SLC5A12: variants seen among roughly 807,000 people sequenced by gnomAD.
SLC5A12 encodes the protein sodium-coupled monocarboxylate transporter 2.
A neutral mutation model predicts 72.7 loss-of-function variants in SLC5A12; 46 were observed. The observed-to-expected ratio is 0.63, with a 90% CI of 0.50 to 0.81. The LOEUF (loss-of-function observed/expected upper bound fraction) is 0.81. SLC5A12 is among the 30% of genes least tolerant of loss of function. SLC5A12 has a pLI of 0.00. For missense variants in SLC5A12, 683 were observed against 740.7 expected (o/e 0.92, Z 0.90); for synonymous variants, 275 against 264.4 (o/e 1.04, Z -0.39).
At position 26,709,328 on chromosome 11, in the gene SLC5A12, G is replaced by A; in HGVS notation, c.509C>T (p.Thr170Ile). Residue 170 changes from threonine (T) to isoleucine (I), a missense_variant, in exon 4 of 15, where the codon ACA becomes ATA. Coordinates refer to ENST00000396005, the MANE Select transcript of SLC5A12 (RefSeq NM_178498.4). ...GATACATACCAGGGTACAGTAGAAT[G>A]TGCAAACAATTCCTGTTGCAAACAC... is the stretch of plus-strand genomic sequence containing the variant. Reference protein sequence around the residue: ...GSVFATGIVCTFYCTLGGLKA... With the variant: ...GSVFATGIVCIFYCTLGGLKA... 1.9e-6 allele frequency: 3 copies of A among 1,611,332 alleles called. No homozygotes were observed. The highest frequency in any genetic ancestry group is 2.5e-6 in the Non-Finnish European group (3 of 1,178,404).
chr11:26,670,064 T>G lies in SLC5A12; in HGVS notation c.*1038A>C, dbSNP rs563410469. The G allele has an allele frequency of 1.3e-5, 2 of 152,236 alleles. No homozygotes were observed. The highest frequency in any genetic ancestry group is 3.9e-4 in the East Asian group (2 of 5,174). The allele number at this position is 152,236 out of a possible 1,614,324, so 9.4% of individuals were successfully genotyped here. Reference sequence around the variant, plus strand: ...GCAATACCCTCATTCTCCAGAACTTTAAACATTATTTTCTAGACACGAACT... The same window carrying G: ...GCAATACCCTCATTCTCCAGAACTTGAAACATTATTTTCTAGACACGAACT... On this transcript the variant is annotated 3_prime_UTR_variant, in exon 15 of 15. Transcript: ENST00000396005.
chr11:26,710,901 C>T (rs1440049540), intron 3 of SLC5A12, among the ~76,000 whole-genome samples: 1 of 151,790 alleles, frequency 6.6e-6, no homozygotes, highest in African/African-American at 2.4e-5. Context: ...AAATAATAGA[C>T]TATAAATTTT....
At chr11:26,702,520 C>T (rs892855140) in intron 6 of SLC5A12, among the ~76,000 whole-genome samples, 1 of 152,158 alleles carries the variant, frequency 6.6e-6, no homozygotes, top group African/African-American at 2.4e-5. Flanking sequence ...GGAAACAGCA[C>T]TGAAGATGAA....
chr11:26,712,974 G>A (rs1855267552), intron 1 of SLC5A12, among the ~76,000 whole-genome samples: 1 of 152,044 alleles, frequency 6.6e-6, no homozygotes, highest in South Asian at 2.1e-4. Flanking sequence ...TTGACTTTCT[G>A]CCCAAAAGTC....
intron 9 of SLC5A12, 183 bp downstream of exon 9, chr11:26,692,306 G>A (rs1854699114): frequency 3.4e-6 from 2 of 582,664 alleles, no homozygotes; most frequent in African/African-American, 1.9e-5. Flanking sequence ...AAACTAGCTA[G>A]TCATTCTTTC....
At chr11:26,715,339 G>GA (rs11386268) in intron 1 of SLC5A12, among the ~76,000 whole-genome samples, 123,789 of 151,946 alleles carry the variant, frequency 0.81, 53,494 homozygotes, top group Non-Finnish European at 0.96. Flanking sequence ...GGGCAGATCA[G>GA]AAGGCTTGAG....
intron 4 of SLC5A12, 126 bp downstream of exon 4, chr11:26,709,186 C>A (rs1855161365): frequency 6.7e-6 from 4 of 598,730 alleles, no homozygotes. Context: ...GACAGATAAG[C>A]CGACATACTT....
chr11:26,703,348 T>A (rs1318062378), intron 6 of SLC5A12, among the ~76,000 whole-genome samples, 183 bp downstream of exon 6: 1 of 151,886 alleles, frequency 6.6e-6, no homozygotes, highest in African/African-American at 2.4e-5. Flanking sequence ...CCTGCTGAGA[T>A]GACAGTAGTA....
intron 8 of SLC5A12, among the ~76,000 whole-genome samples, chr11:26,694,466 A>G (rs149622456): frequency 5.2e-3 from 792 of 152,280 alleles, no homozygotes; most frequent in Non-Finnish European, 8.9e-3. Context: ...GAAAGAAAGG[A>G]CAGAGTGTGA....
At chr11:26,689,526 G>T (rs1054980034) in intron 9 of SLC5A12, among the ~76,000 whole-genome samples, 1 of 152,112 alleles carries the variant, frequency 6.6e-6, no homozygotes, top group Non-Finnish European at 1.5e-5. Flanking sequence ...TGAGAGAAAA[G>T]AATGACTAGA....
Position 26,712,640 on chromosome 11 carries a change from C to T in SLC5A12, c.405+1G>A, listed in dbSNP as rs1855257247. On this transcript the variant is annotated splice_donor_variant, in intron 2 of 14. Coordinates refer to ENST00000396005, the MANE Select transcript of SLC5A12 (RefSeq NM_178498.4). LOFTEE classifies it high-confidence loss of function. ...CATCTGCAGCAGCCATGACCACTTA[C>T]CGTCTGTACAATGTAGATGACCGTG... The T allele has an allele frequency of 2.6e-6, 4 of 1,543,178 alleles. No individual in the cohort carries two copies. Among genetic ancestry groups the T allele is most frequent in the East Asian group, 2.3e-5 (1 of 44,056 alleles).
At chr11:26,671,428 A>G (rs902439081) in intron 14 of SLC5A12, among the ~76,000 whole-genome samples, 177 bp from the exon 15 acceptor site, 2 of 152,144 alleles carry the variant, frequency 1.3e-5, no homozygotes, top group Admixed American at 6.6e-5. Flanking sequence ...CACGTAAGGT[A>G]CTATTTCTAA....
At chr11:26,677,011 A>G (rs953569254) in intron 13 of SLC5A12, among the ~76,000 whole-genome samples, 1 of 152,194 alleles carries the variant, frequency 6.6e-6, no homozygotes, top group African/African-American at 2.4e-5. Flanking sequence ...ACATTTAAAC[A>G]TTGTAAGACT....
rs909411658 is a variant in SLC5A12, at chr11:26,668,688, G to A, written c.*2414C>T. ...TACCTGAAACCCTAGATTTATGCAT[G>A]TTTGTTCAATTAAGAAGAATGGGGG... On this transcript the variant is annotated 3_prime_UTR_variant, in exon 15 of 15. Transcript: ENST00000396005. 1.3e-5 allele frequency: 2 copies of A among 151,998 alleles called. No homozygotes were observed. The highest frequency in any genetic ancestry group is 6.6e-5 in the Admixed American group (1 of 15,214). 9.4% of individuals were successfully genotyped at this position (151,998 alleles called of 1,614,324 possible).
chr11:26,683,536 A>C (rs1854455530), intron 11 of SLC5A12, among the ~76,000 whole-genome samples: 1 of 152,166 alleles, frequency 6.6e-6, no homozygotes, highest in Admixed American at 6.5e-5. Context: ...TGATGTCAGG[A>C]TATGTGGCAG....
intron 8 of SLC5A12, 68 bp from the exon 9 acceptor site, chr11:26,692,669 G>C: frequency 1.9e-6 from 2 of 1,048,120 alleles, no homozygotes; most frequent in Non-Finnish European, 3.0e-6. Flanking sequence ...CTGCCCTCTT[G>C]TCCAGGGCAG....
chr11:26,670,722 T>C lies in SLC5A12; in HGVS notation c.*380A>G, dbSNP rs575111078. On this transcript the variant is annotated 3_prime_UTR_variant, in exon 15 of 15. Transcript: ENST00000396005. Reference sequence around the variant, plus strand: ...ATATGCATATTTCTGTTTCCCGTTCTGCCTCTAAACTCCAAGATATTTTGA... The same window carrying C: ...ATATGCATATTTCTGTTTCCCGTTCCGCCTCTAAACTCCAAGATATTTTGA... 575 of 157,654 alleles carry C rather than the reference T, an allele frequency of 3.6e-3. 1 individual carries two copies. The highest frequency in any genetic ancestry group is 9.4e-3 in the Middle Eastern group (3 of 320). 9.8% of individuals were successfully genotyped at this position (157,654 alleles called of 1,614,324 possible). A position where few individuals can be genotyped will look rare whatever the true frequency, so the allele number is the denominator to read the frequency against.
At chr11:26,699,993 A>T (rs896754849) in intron 6 of SLC5A12, among the ~76,000 whole-genome samples, 1 of 152,216 alleles carries the variant, frequency 6.6e-6, no homozygotes, top group Non-Finnish European at 1.5e-5. Context: ...TCTTTTTAAA[A>T]TATACCATTG....
intron 9 of SLC5A12, 43 bp downstream of exon 9, chr11:26,692,446 A>C: frequency 7.7e-7 from 1 of 1,302,602 alleles, no homozygotes; most frequent in Non-Finnish European, 1.1e-6. Flanking sequence ...TACCACATGT[A>C]CATTTCATGA....
Sources: allele counts gnomAD v4.1 joint callset (sites outside exome capture counted in the v4.1 genomes callset), GRCh38; gene constraint gnomAD v4.1.1; transcripts MANE v1.5; gene names NCBI Gene and HGNC (gene_info 2026-07-23, HGNC 2026-07-21).